Variants in LYSMD4 observed in about 807,000 individuals in gnomAD.
LYSMD4 encodes LysM domain containing 4, also known as lysM and putative peptidoglycan-binding domain-containing protein 4.
LYSMD4 carries 9 observed loss-of-function variants against 6.1 expected under a neutral mutation model. That is an observed-to-expected ratio of 1.47 (90% CI 0.88 to 2.56). The LOEUF is 2.56. Ranked by LOEUF, LYSMD4 falls within the 30% of genes most tolerant of loss-of-function variation. The pLI, the probability that LYSMD4 is intolerant of heterozygous loss-of-function variation, is 0.00. For synonymous variants in LYSMD4, 143 were observed against 148.5 expected, an observed-to-expected ratio of 0.96 and a Z score of 0.27; for missense variants, 384 against 373.5, an observed-to-expected ratio of 1.03 and a Z score of -0.23.
exon 1 of LYSMD4, chr15:99,716,578 T>A: frequency 2.2e-6 from 1 of 456,784 alleles, no homozygotes. Context: ...TCCTTTTTCA[T>A]TCCTTTCACG....
intron 2 of LYSMD4, 80 bp downstream of exon 2, chr15:99,731,638 C>G (rs368041649): frequency 2.6e-6 from 4 of 1,521,196 alleles, no homozygotes; most frequent in Non-Finnish European, 3.5e-6. Flanking sequence ...TTAAGAAGGG[C>G]GGCAAGGGCA....
At chr15:99,732,732 G>A (rs548462649) in intron 1 of LYSMD4, among the ~76,000 whole-genome samples, 1 of 152,350 alleles carries the variant, frequency 6.6e-6, no homozygotes, top group Non-Finnish European at 1.5e-5. Flanking sequence ...TCAAACACGC[G>A]GGCTGACAAC....
chr15:99,729,830 C>T, intron 2 of LYSMD4, 99 bp from the exon 3 acceptor site: 1 of 1,372,862 alleles, frequency 7.3e-7, no homozygotes, highest in Non-Finnish European at 9.7e-7. Context: ...ATGATTCAAG[C>T]CCACTTCACT....
upstream of LYSMD4, among the ~76,000 whole-genome samples, chr15:99,719,346 AG>A (rs1238012321): frequency 6.6e-6 from 1 of 152,048 alleles, no homozygotes; most frequent in Non-Finnish European, 1.5e-5. Context: ...ATTTATTTTG[AG>A]GGGTGTATGA....
chr15:99,724,805 A>C (rs199669697), downstream of LYSMD4, among the ~76,000 whole-genome samples: 5 of 152,322 alleles, frequency 3.3e-5, no homozygotes, highest in East Asian at 9.7e-4. Flanking sequence ...CCTCACTGGC[A>C]CTGTGGTGGC....
At chr15:99,721,815 G>A (rs534831278), upstream of LYSMD4, among the ~76,000 whole-genome samples, 98 of 152,344 alleles carry the variant, frequency 6.4e-4, 1 homozygote, top group African/African-American at 2.2e-3. Flanking sequence ...CTTGGACAAC[G>A]GGCAGTGCAG....
chr15:99,727,461 CT>C lies in LYSMD4; in HGVS notation c.*1661del, dbSNP rs1223352209. The C allele has an allele frequency of 6.6e-6, 1 of 152,160 alleles. No homozygotes were observed. The highest frequency in any genetic ancestry group is 1.9e-4 in the East Asian group (1 of 5,194). 9.4% of individuals were successfully genotyped at this position (152,160 alleles called of 1,614,324 possible). A position where few individuals can be genotyped will look rare whatever the true frequency, so the allele number is the denominator to read the frequency against. On this transcript the variant is annotated 3_prime_UTR_variant, in exon 3 of 3. Coordinates refer to ENST00000684762, the MANE Select transcript of LYSMD4 (RefSeq NM_001284417.2). ...ATTTGAGAAAAGTAAAGGATACATT[CT>C]TTGTCTGACAAAAGTGATTTTGTCA...
At chr15:99,726,555 C>T (rs1397952112), downstream of LYSMD4, among the ~76,000 whole-genome samples, 1 of 152,152 alleles carries the variant, frequency 6.6e-6, no homozygotes, top group Non-Finnish European at 1.5e-5. Context: ...TGACTGTCCT[C>T]CCAACATGCT....
Position 99,729,687 on chromosome 15 carries a change from G to C in LYSMD4, c.327C>G (p.Asp109Glu). The part of the protein sequence containing the change: ...KKVNNFIREQ[D>E]LYALKSVKIP... ...TCTTAACAGATTTCAAAGCATATAA[G>C]TCTTGTTCTCTGATGAAGTTGTTGA... Residue 109 changes from aspartate to glutamate, a missense_variant, in exon 3 of 3, where the codon GAC (aspartate) becomes GAG (glutamate). Transcript: ENST00000684762. 1 of 1,613,404 alleles carries C rather than the reference G, an allele frequency of 6.2e-7. No homozygotes were observed. The highest frequency in any genetic ancestry group is 1.1e-5 in the South Asian group (1 of 91,068).
downstream of LYSMD4, among the ~76,000 whole-genome samples, chr15:99,726,156 T>TTG (rs1241097792): frequency 1.5e-5 from 2 of 136,598 alleles, no homozygotes; most frequent in African/African-American, 5.3e-5. Flanking sequence ...GTTTTTTTTT[T>TTG]TTTTTTTTTT....
intron 2 of LYSMD4, among the ~76,000 whole-genome samples, 177 bp from the exon 3 acceptor site, chr15:99,729,908 T>C (rs2059362865): frequency 6.6e-6 from 1 of 152,252 alleles, no homozygotes; most frequent in South Asian, 2.1e-4. Context: ...AATTTTGTTT[T>C]TTTGGCTTTC....
At chr15:99,719,362 T>C (rs112920045), upstream of LYSMD4, among the ~76,000 whole-genome samples, 78 of 152,314 alleles carry the variant, frequency 5.1e-4, 1 homozygote, top group African/African-American at 1.9e-3. Flanking sequence ...GTATGAATAG[T>C]ATCTGAAACA....
Position 99,729,220 on chromosome 15 carries a change from C to G in LYSMD4, c.794G>C (p.Gly265Ala), listed in dbSNP as rs999613228. The G allele has an allele frequency of 3.7e-6, 6 of 1,614,072 alleles. No individual in the cohort carries two copies. The African/African-American group carries it at 5.3e-5, about 14-fold the overall frequency. Residue 265 changes from glycine to alanine, a missense_variant, in exon 3 of 3, where the codon GGT (glycine) becomes GCT (alanine). Transcript: ENST00000684762. ...TVIPNGSMAM[G>A]TVPGQAPRLA... is the part of the protein sequence containing the mutation. The stretch of plus-strand genomic sequence containing the variant: ...TCTGGGGGCTTGCCCTGGAACTGTA[C>G]CCATTGCCATCGAGCCATTGGGGAT...
upstream of LYSMD4, among the ~76,000 whole-genome samples, chr15:99,718,979 C>A (rs1473331016): frequency 6.6e-6 from 1 of 152,022 alleles, no homozygotes; most frequent in Non-Finnish European, 1.5e-5. Context: ...ATGTCAAAAG[C>A]CATGGTTTAC....
At chr15:99,717,110 TG>T (rs2059192917) in exon 1 of LYSMD4, 1 of 162,838 alleles carries the variant, frequency 6.1e-6, no homozygotes, top group East Asian at 1.7e-4. Flanking sequence ...TCTCCTGATG[TG>T]CCTTCTAAGC....
At chr15:99,720,104 G>A (rs1405056014), upstream of LYSMD4, among the ~76,000 whole-genome samples, 4 of 152,020 alleles carry the variant, frequency 2.6e-5, no homozygotes, top group Admixed American at 2.6e-4. Flanking sequence ...TAACTTTTTT[G>A]TGGTACTTTA....
chr15:99,729,986 A>T (rs934253257), intron 2 of LYSMD4, among the ~76,000 whole-genome samples: 1 of 152,262 alleles, frequency 6.6e-6, no homozygotes, highest in Non-Finnish European at 1.5e-5. Context: ...ACAATTTAAG[A>T]TCAGTTTTGA....
At chr15:99,715,960 T>C (rs2059114717) in exon 1 of LYSMD4, 1 of 153,336 alleles carries the variant, frequency 6.5e-6, no homozygotes. Flanking sequence ...TTCCTTTAAC[T>C]AGAAGGATAA....
rs2059315656 is a variant in LYSMD4 at position 99,728,212 on chromosome 15, G to C, written c.*911C>G. 1 of 152,496 alleles carries C rather than the reference G, an allele frequency of 6.6e-6. No homozygotes were observed. The highest frequency in any genetic ancestry group is 1.5e-5 in the Non-Finnish European group (1 of 68,252). 9.4% of individuals were successfully genotyped at this position (152,496 alleles called of 1,614,324 possible). On this transcript the variant is annotated 3_prime_UTR_variant, in exon 3 of 3. Transcript: ENST00000684762. ...AGAACTGAGCCAGGGAAGCAGCAGGGGGAGCGCCCTGTGTTAGGTGTGCAC... is the reference window on the plus strand; with the variant it reads ...AGAACTGAGCCAGGGAAGCAGCAGGCGGAGCGCCCTGTGTTAGGTGTGCAC...
Sources: allele counts gnomAD v4.1 joint callset (sites outside exome capture counted in the v4.1 genomes callset), GRCh38; gene constraint gnomAD v4.1.1; transcripts MANE v1.5; gene names NCBI Gene and HGNC (gene_info 2026-07-23, HGNC 2026-07-21).